STK32B: variants seen among roughly 807,000 people sequenced by gnomAD.
STK32B encodes serine/threonine-protein kinase 32B.
A neutral mutation model predicts 52.6 loss-of-function variants in STK32B; 43 were observed. The observed-to-expected ratio is 0.82, with a 90% CI of 0.64 to 1.05. The LOEUF (loss-of-function observed/expected upper bound fraction) is 1.05, where lower values mean the gene tolerates loss of function less well. Among genes scored for constraint, STK32B ranks in the 50% least tolerant of loss-of-function variants. The pLI is 0.00. For missense variants in STK32B, 621 were observed against 534.6 expected, an observed-to-expected ratio of 1.16 and a Z score of -1.59; for synonymous variants, 238 against 204.3, an observed-to-expected ratio of 1.17 and a Z score of -1.41.
At chr4:5,355,591 G>A (rs529294098) in intron 4 of STK32B, among the ~76,000 whole-genome samples, 2 of 152,262 alleles carry the variant, frequency 1.3e-5, no homozygotes, top group South Asian at 4.1e-4. Context: ...ATAATCCCTT[G>A]TTATGGGGGC....
At chr4:5,411,644 G>A (rs891878275) in intron 5 of STK32B, among the ~76,000 whole-genome samples, 15 of 152,096 alleles carry the variant, frequency 9.9e-5, no homozygotes, top group Admixed American at 6.6e-5. Context: ...TATTCCTGTG[G>A]TGTCCTGGAA....
rs760270799 is a variant in STK32B at position 5,498,927 on chromosome 4, A to T, written c.1107-18A>T. On this transcript the variant is annotated intron_variant, in intron 11 of 11. Coordinates refer to ENST00000282908, the MANE Select transcript of STK32B (RefSeq NM_018401.3). Reference sequence around the variant, plus strand: ...ACCCCATGCCGCACCACTAACTCAGATCTGTGCTTGTTTGCAGGCTCAGGA... The same window carrying T: ...ACCCCATGCCGCACCACTAACTCAGTTCTGTGCTTGTTTGCAGGCTCAGGA... The T allele has an allele frequency of 6.2e-7, 1 of 1,608,526 alleles. No homozygotes were observed. The highest frequency in any genetic ancestry group is 8.5e-7 in the Non-Finnish European group (1 of 1,177,066).
At chr4:5,260,997 G>A (rs1189988314) in intron 3 of STK32B, among the ~76,000 whole-genome samples, 1 of 152,142 alleles carries the variant, frequency 6.6e-6, no homozygotes, top group East Asian at 1.9e-4. Flanking sequence ...ATGTCAATCA[G>A]CCAATCACTG....
chr4:5,446,857 G>C, intron 7 of STK32B, 81 bp downstream of exon 7: 1 of 1,422,450 alleles, frequency 7.0e-7, no homozygotes, highest in Non-Finnish European at 9.8e-7. Flanking sequence ...AGAGTCGGCA[G>C]GGCCCGCGGT....
chr4:5,048,027 A>C (rs1741651894), upstream of STK32B, among the ~76,000 whole-genome samples: 1 of 152,028 alleles, frequency 6.6e-6, no homozygotes, highest in Admixed American at 6.5e-5. Context: ...CCACCCAAGG[A>C]ATGTTTGGAG....
At chr4:5,081,068 G>A (rs955226898) in intron 1 of STK32B, among the ~76,000 whole-genome samples, 1 of 152,046 alleles carries the variant, frequency 6.6e-6, no homozygotes, top group African/African-American at 2.4e-5. Context: ...TCTGTGTCTG[G>A]CTTACTGCAT....
chr4:5,411,435 AAG>A (rs1560390231), intron 5 of STK32B, among the ~76,000 whole-genome samples: 1 of 152,252 alleles, frequency 6.6e-6, no homozygotes, highest in South Asian at 2.1e-4. Flanking sequence ...AGCAGACAAA[AAG>A]TAACAATGAA....
intron 3 of STK32B, among the ~76,000 whole-genome samples, chr4:5,253,091 A>T (rs1160757457): frequency 1.3e-5 from 2 of 152,100 alleles, no homozygotes; most frequent in African/African-American, 2.4e-5. Flanking sequence ...AGGATTTACA[A>T]AATTTGGCCT....
At chr4:5,345,265 A>C (rs1451368009) in intron 4 of STK32B, 2 of 151,836 alleles carry the variant, frequency 1.3e-5, no homozygotes, top group Non-Finnish European at 2.9e-5. Flanking sequence ...ACATGTTATA[A>C]AATTTAAAAG....
At chr4:5,498,142 A>C (rs1720448082) in intron 11 of STK32B, among the ~76,000 whole-genome samples, 1 of 152,188 alleles carries the variant, frequency 6.6e-6, no homozygotes, top group Non-Finnish European at 1.5e-5. Context: ...ATGTGAGTTG[A>C]GTTCTTCCCT....
intron 1 of STK32B, among the ~76,000 whole-genome samples, chr4:5,069,241 G>A (rs1284973399): frequency 2.0e-5 from 3 of 148,722 alleles, no homozygotes; most frequent in Non-Finnish European, 4.4e-5. Context: ...CGCCCAGGCT[G>A]GGGTACAGTG....
Position 5,495,859 on chromosome 4 carries a change from T to A in STK32B, c.1107-3086T>A, listed in dbSNP as rs549491239. ...AGGTCCACTCCAGACCCTGTTTGCC[T>A]GGGTACCAGCAGTGGTGGCTGCAGA... is the stretch of plus-strand genomic sequence containing the variant. On this transcript the variant is annotated intron_variant, in intron 11 of 11. Transcript: ENST00000282908. 7.9e-5 allele frequency among the ~76,000 whole-genome samples: 12 copies of A among 152,332 alleles called. No individual in the cohort carries two copies. In the East Asian group the frequency reaches 2.3e-3, roughly 29 times the overall value.
At chr4:5,137,054 G>T (rs1248643165) in intron 1 of STK32B, among the ~76,000 whole-genome samples, 2 of 152,174 alleles carry the variant, frequency 1.3e-5, no homozygotes, top group Non-Finnish European at 2.9e-5. Context: ...AGTAATAATG[G>T]CTTTTGGCAT....
chr4:5,308,881 A>G (rs1730102800), intron 3 of STK32B, among the ~76,000 whole-genome samples: 1 of 152,180 alleles, frequency 6.6e-6, no homozygotes, highest in Non-Finnish European at 1.5e-5. Context: ...TAAACTTAGT[A>G]CTAAATGTCC....
Position 5,467,585 on chromosome 4 carries a change from G to C in STK32B, c.1042-421G>C, listed in dbSNP as rs1717545403. Among the ~76,000 whole-genome samples, 1 of 152,080 alleles carries C rather than the reference G, an allele frequency of 6.6e-6. No individual in the cohort carries two copies. The highest frequency in any genetic ancestry group is 1.5e-5 in the Non-Finnish European group (1 of 68,026). On this transcript the variant is annotated intron_variant, in intron 10 of 11. Coordinates refer to ENST00000282908, the MANE Select transcript of STK32B (RefSeq NM_018401.3). This position sits in a 1 kb window ranked among gnomAD's most constrained non-coding sequence, Gnocchi z 5.8. ...AATAACGTCATGTTTATAAGTACTG[G>C]GGGGCTGGGACTCAAGATACCTTTC...
At chr4:5,269,572 A>G (rs2108854882) in intron 3 of STK32B, among the ~76,000 whole-genome samples, 1 of 152,320 alleles carries the variant, frequency 6.6e-6, no homozygotes, top group African/African-American at 2.4e-5. Flanking sequence ...ATTAGCAGAC[A>G]AGGGCGGTTA....
rs185668075 is a variant in STK32B, at chr4:5,478,932, C to T, written c.1106+10862C>T. 3.8e-4 allele frequency among the ~76,000 whole-genome samples: 58 copies of T among 152,298 alleles called. 1 individual carries two copies. Among genetic ancestry groups the T allele is most frequent in the Admixed American group, 1.4e-3 (21 of 15,308 alleles). Reference sequence around the variant, plus strand: ...TTCTGCTGGGGCTTCCCATTGGCCACGCCCAGCTGGCAGCCCACAGGCATG... The same window carrying T: ...TTCTGCTGGGGCTTCCCATTGGCCATGCCCAGCTGGCAGCCCACAGGCATG... On this transcript the variant is annotated intron_variant, in intron 11 of 11. Transcript: ENST00000282908.
intron 3 of STK32B, among the ~76,000 whole-genome samples, chr4:5,200,375 T>G (rs562074399): frequency 2.0e-5 from 3 of 152,016 alleles, no homozygotes; most frequent in Non-Finnish European, 2.9e-5. Context: ...CCACCTAAAG[T>G]CATTTGCTGA....
intron 3 of STK32B, among the ~76,000 whole-genome samples, chr4:5,171,636 C>T (rs1445196600): frequency 1.3e-5 from 2 of 149,408 alleles, no homozygotes; most frequent in African/African-American, 2.4e-5. Flanking sequence ...GGCATTATTT[C>T]TGAGGGCTCT....
Sources: gnomAD v4.1 joint callset for allele counts (sites outside exome capture counted in the v4.1 genomes callset) on GRCh38, gnomAD v4.1.1 for gene constraint, Gnocchi (gnomAD v3.1) non-coding constraint, MANE v1.5 for transcripts, NCBI Gene and HGNC (gene_info 2026-07-23, HGNC 2026-07-21) for gene names.